Variants in NRIP1 observed in about 807,000 individuals in gnomAD.
NRIP1 encodes nuclear receptor interacting protein 1, also known as nuclear receptor-interacting protein 1.
In NRIP1, 28 loss-of-function variants were observed where a neutral mutation model predicts 75.0. The observed-to-expected ratio is 0.37, with a 90% CI of 0.28 to 0.51. The LOEUF is 0.51. Among genes scored for constraint, NRIP1 ranks in the 20% least tolerant of loss-of-function variants. The probability of loss-of-function intolerance (pLI) is 0.92; values close to 1 mark genes in which losing one functional copy is unlikely to be tolerated. For missense variants in NRIP1, 1,435 were observed against 1,343.7 expected, an observed-to-expected ratio of 1.07 and a Z score of -1.06; for synonymous variants, 526 against 487.6, an observed-to-expected ratio of 1.08 and a Z score of -1.04.
chr21:14,986,061 A>C (rs2822993), intron 3 of NRIP1, among the ~76,000 whole-genome samples: 26,487 of 152,114 alleles, frequency 0.17, 2,806 homozygotes, highest in East Asian at 0.44. Flanking sequence ...TGCCCATTTT[A>C]AAAATCAATC....
At chr21:14,986,889 T>G in intron 3 of NRIP1, among the ~76,000 whole-genome samples, 1 of 152,302 alleles carries the variant, frequency 6.6e-6, no homozygotes, top group East Asian at 1.9e-4. Context: ...CCTCTAATAA[T>G]TTTGCCACTG....
intron 3 of NRIP1, among the ~76,000 whole-genome samples, chr21:15,011,600 A>G (rs2088105695): frequency 6.6e-6 from 1 of 152,206 alleles, no homozygotes; most frequent in South Asian, 2.1e-4. Context: ...ATCAAACTAG[A>G]AAAAAGTACA....
rs9975169 is a variant in NRIP1 at position 14,966,493 on chromosome 21, T to C, written c.1700A>G (p.Asn567Ser). 4.2e-3 allele frequency: 6,796 copies of C among 1,614,004 alleles called. 228 individuals are homozygous for C. In the African/African-American group the frequency reaches 0.074, roughly 18 times the overall value. ...LTSSKAGSPI[N>S]LSQHSLVIKW... ...GATGACCAGAGAGTGTTGAGAGAGA[T>C]TGATGGGAGACCCTGCTTTGCTTGA... Residue 567 changes from asparagine to serine, a missense_variant, in exon 4 of 4, where the codon AAT becomes AGT. Physicochemically the swap from Asn to Ser is conservative, Grantham distance 46. Coordinates refer to ENST00000318948, the MANE Select transcript of NRIP1 (RefSeq NM_003489.4).
intron 3 of NRIP1, among the ~76,000 whole-genome samples, chr21:14,985,534 G>A (rs934114205): frequency 1.3e-5 from 2 of 151,842 alleles, no homozygotes; most frequent in Admixed American, 6.6e-5. Context: ...CACCCGCCTC[G>A]GCCCCCCAAA....
intron 3 of NRIP1, chr21:14,987,879 T>C (rs1177544384): frequency 6.6e-6 from 1 of 152,212 alleles, no homozygotes; most frequent in Non-Finnish European, 1.5e-5. Context: ...AATTATCCAG[T>C]AAATGCCTGA....
chr21:15,032,998 G>C (rs561919587), intron 2 of NRIP1, among the ~76,000 whole-genome samples: 16 of 152,258 alleles, frequency 1.1e-4, no homozygotes, highest in African/African-American at 3.9e-4. Flanking sequence ...GGCCGAGGTG[G>C]GTGGATCACG....
At chr21:15,024,610 G>T (rs1195167806) in intron 2 of NRIP1, among the ~76,000 whole-genome samples, 3 of 151,492 alleles carry the variant, frequency 2.0e-5, no homozygotes, top group Non-Finnish European at 4.4e-5. Flanking sequence ...GTGTGTGTGT[G>T]TCCTATAACA....
At chr21:15,004,710 T>A (rs1348364585) in intron 3 of NRIP1, among the ~76,000 whole-genome samples, 2 of 152,250 alleles carry the variant, frequency 1.3e-5, no homozygotes, top group Admixed American at 1.3e-4. Context: ...AAGATTAATT[T>A]TTTTTCCATA....
At chr21:15,045,718 T>C (rs532345504) in intron 1 of NRIP1, among the ~76,000 whole-genome samples, 22 of 152,354 alleles carry the variant, frequency 1.4e-4, no homozygotes, top group African/African-American at 3.1e-4. Flanking sequence ...TTACCCACAG[T>C]AGAATATCTT....
chr21:14,996,690 T>A (rs991537848), intron 3 of NRIP1, among the ~76,000 whole-genome samples: 1 of 152,176 alleles, frequency 6.6e-6, no homozygotes, highest in African/African-American at 2.4e-5. Flanking sequence ...GGACCACTTT[T>A]ATTCTGTTCA....
chr21:15,024,150 C>A (rs866778313), intron 2 of NRIP1, among the ~76,000 whole-genome samples: 1 of 152,120 alleles, frequency 6.6e-6, no homozygotes, highest in African/African-American at 2.4e-5. Context: ...ATATGCAAAG[C>A]GTTAAGATTA....
chr21:14,975,198 T>C (rs1025716343), intron 3 of NRIP1, among the ~76,000 whole-genome samples: 2 of 145,280 alleles, frequency 1.4e-5, no homozygotes, highest in African/African-American at 4.9e-5. Flanking sequence ...TGGTATTGCT[T>C]ATATAATCAA....
At chr21:15,034,470 A>C (rs1208616316) in intron 2 of NRIP1, among the ~76,000 whole-genome samples, 2 of 152,190 alleles carry the variant, frequency 1.3e-5, no homozygotes, top group Non-Finnish European at 2.9e-5. Flanking sequence ...GAGTTTACTA[A>C]TTGTTTCCCC....
intron 1 of NRIP1, chr21:15,051,265 C>T (rs1234126387): frequency 5.2e-6 from 1 of 192,624 alleles, no homozygotes. Flanking sequence ...TAAAAGAACA[C>T]AGAACTCTGT....
At chr21:15,055,806 G>T (rs1261413158) in intron 1 of NRIP1, among the ~76,000 whole-genome samples, 2 of 152,094 alleles carry the variant, frequency 1.3e-5, no homozygotes, top group Admixed American at 1.3e-4. Context: ...AAATTCTTAA[G>T]GACTCAATTT....
chr21:15,062,278 T>C (rs1355710852), intron 1 of NRIP1, among the ~76,000 whole-genome samples: 1 of 152,246 alleles, frequency 6.6e-6, no homozygotes, highest in East Asian at 1.9e-4. Flanking sequence ...ACATTGATTT[T>C]ACTCTTCATA....
intron 2 of NRIP1, among the ~76,000 whole-genome samples, chr21:15,022,429 T>G (rs950968622): frequency 6.6e-6 from 1 of 152,174 alleles, no homozygotes; most frequent in Admixed American, 6.5e-5. Flanking sequence ...GAATAGCTAA[T>G]TGATGCTGGG....
At position 14,968,365 on chromosome 21, in the gene NRIP1, T is replaced by A. The variant is rs1037154438; in HGVS notation, c.-173A>T. The A allele has an allele frequency of 1.6e-6, 1 of 608,732 alleles. No homozygotes were observed. Among genetic ancestry groups the A allele is most frequent in the Non-Finnish European group, 3.0e-6 (1 of 338,424 alleles). The allele number at this position is 608,732 out of a possible 1,614,324, so 37.7% of individuals were successfully genotyped here. ...AAGATTTCTTCTGGCAATGACAAGATAAATGCAGTCTGACCACAGTGCTGA... is the reference window on the plus strand; with the variant it reads ...AAGATTTCTTCTGGCAATGACAAGAAAAATGCAGTCTGACCACAGTGCTGA... On this transcript the variant is annotated 5_prime_UTR_variant, in exon 4 of 4. Transcript: ENST00000318948.
At chr21:15,044,887 G>C (rs2089036408) in intron 1 of NRIP1, among the ~76,000 whole-genome samples, 1 of 152,012 alleles carries the variant, frequency 6.6e-6, no homozygotes, top group Non-Finnish European at 1.5e-5. Context: ...CATGGTGCAA[G>C]GTATACAGCT....
Sources: gnomAD v4.1 joint callset for allele counts (sites outside exome capture counted in the v4.1 genomes callset) on GRCh38, gnomAD v4.1.1 for gene constraint, MANE v1.5 for transcripts, NCBI Gene and HGNC (gene_info 2026-07-23, HGNC 2026-07-21) for gene names.